Variants in RPRD2 observed in about 807,000 individuals in gnomAD.
The protein encoded by RPRD2 is regulation of nuclear pre-mRNA domain-containing protein 2.
In RPRD2, 12 loss-of-function variants were observed where a neutral mutation model predicts 104.4. The observed-to-expected ratio is 0.11, with a 90% CI of 0.07 to 0.19. The LOEUF is 0.19. Among genes scored for constraint, RPRD2 ranks in the 10% least tolerant of loss-of-function variants. RPRD2 has a pLI of 1.00. For synonymous variants in RPRD2, 714 were observed against 684.9 expected (o/e 1.04, Z -0.66); for missense variants, 1,543 against 1,790.1 (o/e 0.86, Z 2.49).
intron 1 of RPRD2, among the ~76,000 whole-genome samples, chr1:150,370,830 CT>C (rs1660245021): frequency 6.6e-6 from 1 of 152,080 alleles, no homozygotes; most frequent in Non-Finnish European, 1.5e-5. Flanking sequence ...CCCTCCTTGG[CT>C]TCCCAAAGTG....
At position 150,364,756 on chromosome 1, in the gene RPRD2, CTCG is replaced by C; in HGVS notation, c.46_48del (p.Ser16del). 1 of 1,601,524 alleles carries C rather than the reference CTCG, an allele frequency of 6.2e-7. No homozygotes were observed. Among genetic ancestry groups the C allele is most frequent in the Non-Finnish European group, 8.5e-7 (1 of 1,173,902 alleles). On this transcript the variant is annotated inframe_deletion, in exon 1 of 11. Transcript: ENST00000369068. ...GCGGAGGCAGCAGTAAGGCCTCCTC[CTCG>C]TCGGCCTCTTCGGCAGGGGCTCTGG... is the stretch of plus-strand genomic sequence containing the variant.
intron 1 of RPRD2, among the ~76,000 whole-genome samples, chr1:150,410,603 T>C (rs1488038587): frequency 1.3e-5 from 2 of 152,236 alleles, no homozygotes; most frequent in Admixed American, 6.5e-5. Context: ...ACATATTTGC[T>C]TTATCTCTCT....
At position 150,371,386 on chromosome 1, in the gene RPRD2, C is replaced by T. The variant is rs113530806; in HGVS notation, c.205+6467C>T. ...TTTGTTTTTGTTTTTGTTTTTGAGA[C>T]GGAGTCTCTCTCTGTCACCCAGGCT... On this transcript the variant is annotated intron_variant, in intron 1 of 10. Coordinates refer to ENST00000369068, the MANE Select transcript of RPRD2 (RefSeq NM_015203.5). 1.5e-4 allele frequency among the ~76,000 whole-genome samples: 23 copies of T among 152,256 alleles called. 1 individual carries two copies. Among genetic ancestry groups the T allele is most frequent in the African/African-American group, 2.9e-4 (12 of 41,542 alleles).
intron 1 of RPRD2, among the ~76,000 whole-genome samples, chr1:150,391,949 G>A (rs782262984): frequency 1.1e-4 from 16 of 151,958 alleles, no homozygotes; most frequent in Admixed American, 7.9e-4. Context: ...ATCTCTGTTC[G>A]GTATTGTAGT....
chr1:150,473,173 C>T lies in RPRD2; in HGVS notation c.4225C>T (p.Arg1409Trp), dbSNP rs780754269. 1.1e-5 allele frequency: 17 copies of T among 1,613,984 alleles called. No homozygotes were observed. The highest frequency in any genetic ancestry group is 1.3e-5 in the Non-Finnish European group (15 of 1,179,882). Residue 1409 changes from arginine (R) to tryptophan (W), a missense_variant, in exon 11 of 11, where the codon CGG (arginine) becomes TGG (tryptophan). Arg to Trp is a moderately radical substitution (Grantham distance 101, BLOSUM62 -3). Around this residue, in one of 4 missense-constraint regions of RPRD2, gnomAD observed 880 missense variants for 885.6 expected, o/e 0.99. Coordinates refer to ENST00000369068, the MANE Select transcript of RPRD2 (RefSeq NM_015203.5). ...LGPSHRDTIS[R>W]SGIILRSPRP... ...TCCCTCACACAGAGACACCATCAGC[C>T]GGAGTGGTATAATCTTACGGAGTCC...
At chr1:150,384,879 GT>G (rs1553881555) in intron 1 of RPRD2, among the ~76,000 whole-genome samples, 1 of 152,064 alleles carries the variant, frequency 6.6e-6, no homozygotes, top group East Asian at 1.9e-4. Context: ...CTAGCTGAGT[GT>G]GGTGGTGGCG....
chr1:150,365,594 CCTCTTTT>C (rs1231691819), intron 1 of RPRD2, among the ~76,000 whole-genome samples: 1 of 151,968 alleles, frequency 6.6e-6, no homozygotes, highest in Non-Finnish European at 1.5e-5. Flanking sequence ...GTGTCCAGTT[CCTCTTTT>C]TTTTTGAGAC....
intron 1 of RPRD2, among the ~76,000 whole-genome samples, chr1:150,389,392 A>G (rs1162864292): frequency 6.6e-6 from 1 of 152,054 alleles, no homozygotes; most frequent in African/African-American, 2.4e-5. Flanking sequence ...TATTTTGTAG[A>G]ATGTCCCTCA....
intron 9 of RPRD2, among the ~76,000 whole-genome samples, chr1:150,463,860 G>A (rs1237105111): frequency 6.6e-6 from 1 of 152,182 alleles, no homozygotes; most frequent in Non-Finnish European, 1.5e-5. Context: ...AAAAAAGATT[G>A]TCCAGGTGTG....
chr1:150,376,936 C>T (rs782543628), intron 1 of RPRD2, among the ~76,000 whole-genome samples: 3 of 151,448 alleles, frequency 2.0e-5, no homozygotes, highest in Admixed American at 6.6e-5. Context: ...GCTGGCCGGG[C>T]GCTGTGGCTC....
intron 2 of RPRD2, among the ~76,000 whole-genome samples, chr1:150,431,514 C>CTTTT (rs1553891745): frequency 4.2e-5 from 3 of 71,768 alleles, no homozygotes; most frequent in African/African-American, 6.2e-5. Context: ...GGGTTTTGTC[C>CTTTT]TTGTTGCCCT....
intron 1 of RPRD2, among the ~76,000 whole-genome samples, chr1:150,382,728 TG>T (rs1397247376): frequency 3.9e-5 from 6 of 152,238 alleles, no homozygotes; most frequent in Non-Finnish European, 8.8e-5. Context: ...CCCAGCTACT[TG>T]GGAGGCTGAA....
At chr1:150,443,184 A>G (rs782376817) in intron 4 of RPRD2, 47 bp from the exon 5 acceptor site, 1 of 1,484,876 alleles carries the variant, frequency 6.7e-7, no homozygotes, top group South Asian at 1.2e-5. Flanking sequence ...CTGTTAGTCA[A>G]CTTTTTGTGT....
chr1:150,473,281 A>G lies in RPRD2; in HGVS notation c.4333A>G (p.Arg1445Gly). 1.2e-6 allele frequency: 2 copies of G among 1,613,836 alleles called. No individual in the cohort carries two copies. The highest frequency in any genetic ancestry group is 1.7e-4 in the Middle Eastern group (1 of 6,014). The change falls in exon 11 of 11, where the codon AGG becomes GGG. Residue 1445 changes from arginine (R) to glycine (G), a missense_variant. Arg to Gly is a moderately radical substitution (Grantham distance 125). Around this residue, in one of 4 missense-constraint regions of RPRD2, gnomAD observed 880 missense variants for 885.6 expected, o/e 0.99. Transcript: ENST00000369068. ...AAAGAGACCCAGGCCACCTTTTGCTAGGGGCCCTCCGTTCTTTGCACCAAA... is the reference window on the plus strand; with the variant it reads ...AAAGAGACCCAGGCCACCTTTTGCTGGGGGCCCTCCGTTCTTTGCACCAAA... ...SLKRPRPPFA[R>G]GPPFFAPKRP... is the part of the protein sequence containing the mutation.
At chr1:150,406,199 T>G (rs1553886489) in intron 1 of RPRD2, among the ~76,000 whole-genome samples, 1 of 152,138 alleles carries the variant, frequency 6.6e-6, no homozygotes, top group Admixed American at 6.5e-5. Context: ...AAAAGGGCAT[T>G]AAATTTTTGG....
At position 150,470,829 on chromosome 1, in the gene RPRD2, C is replaced by G; in HGVS notation, c.1881C>G (p.Asn627Lys). Residue 627 changes from asparagine (N) to lysine (K), a missense_variant, in exon 11 of 11, where the codon AAC becomes AAG. This residue lies in a region of RPRD2 where 572 missense variants were observed against 787.3 expected (regional missense o/e 0.73). Transcript: ENST00000369068. ...LPSTTFKLPS[N>K]SLGFTATHNT... ...GCACTACTTTTAAACTACCTTCCAA[C>G]TCTTTGGGGTTTACAGCTACCCACA... The G allele has an allele frequency of 6.2e-7, 1 of 1,613,990 alleles. No individual in the cohort carries two copies. The highest frequency in any genetic ancestry group is 8.5e-7 in the Non-Finnish European group (1 of 1,179,908).
At chr1:150,428,625 G>A (rs1038468412) in intron 2 of RPRD2, among the ~76,000 whole-genome samples, 2 of 152,012 alleles carry the variant, frequency 1.3e-5, no homozygotes, top group Admixed American at 1.3e-4. Flanking sequence ...CACTAGGGGT[G>A]TGTGCTACCT....
chr1:150,438,917 C>T (rs1666209909), intron 2 of RPRD2, among the ~76,000 whole-genome samples: 1 of 152,084 alleles, frequency 6.6e-6, no homozygotes, highest in African/African-American at 2.4e-5. Context: ...TCACTGCAAC[C>T]TTCGACTCCT....
rs1560224784 is a variant in RPRD2, at chr1:150,464,615, GACA to G, written c.1504_1506del (p.Thr502del). On this transcript the variant is annotated inframe_deletion, in exon 10 of 11. Coordinates refer to ENST00000369068, the MANE Select transcript of RPRD2 (RefSeq NM_015203.5). Reference sequence around the variant, plus strand: ...GCCTGAAAACACCTGCACCTGCCACGACAACATCTCACAACCCTCTGGCAAATA... The same window carrying G: ...GCCTGAAAACACCTGCACCTGCCACGACATCTCACAACCCTCTGGCAAATA... 1.2e-6 allele frequency: 2 copies of G among 1,611,658 alleles called. No individual in the cohort carries two copies. Among genetic ancestry groups the G allele is most frequent in the Non-Finnish European group, 1.7e-6 (2 of 1,178,944 alleles).
Sources: gnomAD v4.1 joint callset for allele counts (sites outside exome capture counted in the v4.1 genomes callset) on GRCh38, gnomAD v4.1.1 for gene constraint, gnomAD v4.1.1 regional missense constraint, MANE v1.5 for transcripts, NCBI Gene and HGNC (gene_info 2026-07-23, HGNC 2026-07-21) for gene names.